Variants in ZNF787 observed in about 807,000 individuals in gnomAD.
ZNF787 encodes the protein TTF-I-interacting peptide 20.
A neutral mutation model predicts 16.9 loss-of-function variants in ZNF787; 7 were observed. The observed-to-expected ratio is 0.42, with a 90% CI of 0.24 to 0.78. The LOEUF (loss-of-function observed/expected upper bound fraction) is 0.78, where lower values mean the gene tolerates loss of function less well. Ranked by LOEUF, ZNF787 falls within the 30% of genes least tolerant of loss-of-function variation. ZNF787 has a pLI of 0.30. For missense variants in ZNF787, 551 were observed against 589.3 expected (o/e 0.94, Z 0.67); for synonymous variants, 345 against 270.9 (o/e 1.27, Z -2.69).
intron 2 of ZNF787, among the ~76,000 whole-genome samples, chr19:56,091,951 G>A (rs62122409): frequency 0.063 from 1,826 of 28,936 alleles, 15 homozygotes; most frequent in South Asian, 0.2. Flanking sequence ...CAAAGCCAAA[G>A]CCGAAACCGA....
At chr19:56,106,567 C>T (rs12459102) in intron 1 of ZNF787, among the ~76,000 whole-genome samples, 10,161 of 152,266 alleles carry the variant, frequency 0.067, 947 homozygotes, top group East Asian at 0.29. Flanking sequence ...GCCCATGCTC[C>T]GGCCGTCTGG....
intron 2 of ZNF787, among the ~76,000 whole-genome samples, chr19:56,091,963 A>G (rs1439889094): frequency 6.9e-5 from 10 of 145,748 alleles, no homozygotes; most frequent in African/African-American, 2.8e-4. Context: ...CGAAACCGAA[A>G]CCGAAGCCAA....
intron 2 of ZNF787, among the ~76,000 whole-genome samples, chr19:56,092,991 G>A (rs979586519): frequency 2.0e-5 from 3 of 151,768 alleles, no homozygotes; most frequent in African/African-American, 7.3e-5. Context: ...GCGGAAGTGG[G>A]ATACCCCATA....
At chr19:56,118,919 C>T (rs775574727) in intron 1 of ZNF787, among the ~76,000 whole-genome samples, 31 of 152,134 alleles carry the variant, frequency 2.0e-4, no homozygotes, top group Non-Finnish European at 4.0e-4. Context: ...CTGTCATCCT[C>T]CCTTAAGTAC....
At chr19:56,092,726 T>TA (rs1985672918) in intron 2 of ZNF787, among the ~76,000 whole-genome samples, 1 of 152,054 alleles carries the variant, frequency 6.6e-6, no homozygotes, top group Admixed American at 6.5e-5. Flanking sequence ...GGGAGTGGGA[T>TA]ACCCCACAGA....
chr19:56,115,246 A>T (rs1319479603), intron 1 of ZNF787, among the ~76,000 whole-genome samples: 1 of 151,878 alleles, frequency 6.6e-6, no homozygotes, highest in African/African-American at 2.4e-5. Context: ...CCTAGAGCAC[A>T]GCCTGCACGT....
Position 56,088,374 on chromosome 19 carries a change from G to A in ZNF787, c.798C>T (p.Ala266=), listed in dbSNP as rs924760971. 1.4e-4 allele frequency: 158 copies of A among 1,107,492 alleles called. 1 individual carries two copies. The African/African-American group carries it at 1.4e-3, about 10-fold the overall frequency. 68.6% of individuals were successfully genotyped at this position (1,107,492 alleles called of 1,614,324 possible). Residue 266 remains alanine, a synonymous_variant, in exon 3 of 3, where the codon GCC becomes GCT. Transcript: ENST00000610935. The surrounding 1 kb of genome is among the most constrained non-coding windows in gnomAD (Gnocchi z 8.6). ...AAAMAGAGAK[A]AGPRSRRAPA... ...GGGCGCGCCGCGACCGGGGCCCCGC[G>A]GCCTTTGCCCCCGCGCCCGCCATGG...
chr19:56,094,591 C>T (rs1470496165), intron 2 of ZNF787, among the ~76,000 whole-genome samples: 1 of 151,088 alleles, frequency 6.6e-6, no homozygotes, highest in Non-Finnish European at 1.5e-5. Context: ...GGTTTTTGTT[C>T]TTATTTGCAA....
chr19:56,092,040 GCCGAAGCCTCACCCTCAC>G (rs1470747230), intron 2 of ZNF787, among the ~76,000 whole-genome samples: 100 of 150,306 alleles, frequency 6.7e-4, no homozygotes, highest in East Asian at 2.0e-3. Flanking sequence ...CGAAGCCGAA[GCCGAAGCCTCACCCTCAC>G]CCTCACCCTC....
chr19:56,095,334 T>C (rs1301751682), intron 2 of ZNF787, among the ~76,000 whole-genome samples: 1 of 152,210 alleles, frequency 6.6e-6, no homozygotes, highest in Non-Finnish European at 1.5e-5. Context: ...TAAATGATCT[T>C]GATCTTGTTG....
chr19:56,089,323 G>T (rs891732668), intron 2 of ZNF787, among the ~76,000 whole-genome samples: 1 of 152,080 alleles, frequency 6.6e-6, no homozygotes, highest in African/African-American at 2.4e-5. Flanking sequence ...CCAACCTCTA[G>T]AACAATGCCC....
At chr19:56,103,606 G>C (rs1986188485) in intron 1 of ZNF787, 1 of 232,110 alleles carries the variant, frequency 4.3e-6, no homozygotes. Flanking sequence ...GCGTACACAA[G>C]ACAGTGTACA....
intron 1 of ZNF787, 51 bp from the exon 2 acceptor site, chr19:56,103,278 G>GCA: frequency 2.0e-6 from 3 of 1,476,252 alleles, no homozygotes; most frequent in Non-Finnish European, 2.7e-6. Context: ...GTGCCAGGCT[G>GCA]CACCGAGGGC....
chr19:56,110,030 G>A (rs990063095), intron 1 of ZNF787, among the ~76,000 whole-genome samples: 8 of 152,190 alleles, frequency 5.3e-5, no homozygotes, highest in Non-Finnish European at 1.2e-4. Context: ...ACACAACTTT[G>A]TGAATATATT....
chr19:56,087,764 T>G lies in ZNF787; in HGVS notation c.*259A>C, dbSNP rs562633825. Reference sequence around the variant, plus strand: ...GGCCTCTGCAGTTCTCTCCATTGTCTCTCCGGCTCGCAGGCCGATAACTTA... The same window carrying G: ...GGCCTCTGCAGTTCTCTCCATTGTCGCTCCGGCTCGCAGGCCGATAACTTA... On this transcript the variant is annotated 3_prime_UTR_variant, in exon 3 of 3. Transcript: ENST00000610935. The G allele has an allele frequency of 8.6e-5, 37 of 432,052 alleles. No homozygotes were observed. The highest frequency in any genetic ancestry group is 1.2e-4 in the Non-Finnish European group (33 of 281,892). 26.8% of individuals were successfully genotyped at this position (432,052 alleles called of 1,614,324 possible).
Position 56,089,008 on chromosome 19 carries a change from C to G in ZNF787, c.164G>C (p.Gly55Ala), listed in dbSNP as rs1985466715. The change falls in exon 3 of 3, where the codon GGC (glycine) becomes GCC (alanine). Residue 55 changes from glycine to alanine, a missense_variant. Coordinates refer to ENST00000610935, the MANE Select transcript of ZNF787 (RefSeq NM_001002836.4). ...GGGCGGCCGCGGCCGGGGAGGCGGG[C>G]CGGCTGGGGGCGCAGACTGGGGCGG... ...LSPPQSAPPA[G>A]PPPRPRPPAP... 6.7e-7 allele frequency: 1 copy of G among 1,489,052 alleles called. No individual in the cohort carries two copies. The highest frequency in any genetic ancestry group is 8.9e-7 in the Non-Finnish European group (1 of 1,122,296). 92.2% of individuals were successfully genotyped at this position (1,489,052 alleles called of 1,614,324 possible).
Position 56,087,905 on chromosome 19 carries a change from G to GGGATGCCGC in ZNF787, c.*109_*117dup, listed in dbSNP as rs1473055142. The GGGATGCCGC allele has an allele frequency of 7.9e-7, 1 of 1,273,112 alleles. No homozygotes were observed. 78.9% of individuals were successfully genotyped at this position (1,273,112 alleles called of 1,614,324 possible). A position where few individuals can be genotyped will look rare whatever the true frequency, so the allele number is the denominator to read the frequency against. ...AGGGACAGAGGAGGGCGGGGAGCCG[G>GGGATGCCGC]GGATGCCGCGGGGTCCATCGCACCC... is the stretch of plus-strand genomic sequence containing the variant. On this transcript the variant is annotated 3_prime_UTR_variant, in exon 3 of 3. Transcript: ENST00000610935.
rs1463523633 is a variant in ZNF787 at position 56,088,005 on chromosome 19, C to CG, written c.*17_*18insC. On this transcript the variant is annotated 3_prime_UTR_variant, in exon 3 of 3. Transcript: ENST00000610935. The surrounding 1 kb of genome is among the most constrained non-coding windows in gnomAD (Gnocchi z 8.6). The stretch of plus-strand genomic sequence containing the variant: ...AAGCCCGAGGGGCCCTGCCCGCCCC[C>CG]CCCCCCGGGCCCCTCCCCTACCGGC... 1 of 1,191,792 alleles carries CG rather than the reference C, an allele frequency of 8.4e-7. No homozygotes were observed. The highest frequency in any genetic ancestry group is 1.6e-5 in the African/African-American group (1 of 61,804). 73.8% of individuals were successfully genotyped at this position (1,191,792 alleles called of 1,614,324 possible).
intron 2 of ZNF787, chr19:56,102,019 A>C (rs1304565119): frequency 1.3e-5 from 2 of 152,194 alleles, no homozygotes; most frequent in African/African-American, 4.8e-5. Context: ...CTACCCCGGG[A>C]CCAAGGCTGC....
Sources: gnomAD v4.1 joint callset for allele counts (sites outside exome capture counted in the v4.1 genomes callset) on GRCh38, gnomAD v4.1.1 for gene constraint, Gnocchi (gnomAD v3.1) non-coding constraint, MANE v1.5 for transcripts, NCBI Gene and HGNC (gene_info 2026-07-23, HGNC 2026-07-21) for gene names.